The following SCAF1 variants were observed in gnomAD, a reference collection of about 807,000 sequenced individuals.
SCAF1 encodes the protein SR-related CTD associated factor 1, also known as splicing factor, arginine/serine-rich 19.
In SCAF1, 28 loss-of-function variants were observed where a neutral mutation model predicts 91.2. That is an observed-to-expected ratio of 0.31 (90% CI 0.23 to 0.42). The LOEUF is 0.42. Among genes scored for constraint, SCAF1 ranks in the 10% least tolerant of loss-of-function variants. SCAF1 has a pLI of 1.00. For synonymous variants in SCAF1, 1,036 were observed against 833.7 expected, an observed-to-expected ratio of 1.24 and a Z score of -4.18; for missense variants, 1,893 against 1,872.1, an observed-to-expected ratio of 1.01 and a Z score of -0.21.
rs980362635 is a variant in SCAF1, at chr19:49,654,663, C to T, written c.3411C>T (p.His1137=). Residue 1137 remains histidine (H), a synonymous_variant, in exon 9 of 11, where the codon CAC becomes CAT. Coordinates refer to ENST00000360565, the MANE Select transcript of SCAF1 (RefSeq NM_021228.3). The part of the protein sequence containing the change: ...LIQATNQILS[H]RKPPSSLGMT... The stretch of plus-strand genomic sequence containing the variant: ...TCCTCGTCCCACAGATCCTCAGCCA[C>T]AGAAAGCCACCCTCAAGTCTGGGGA... 2.5e-6 allele frequency: 4 copies of T among 1,612,624 alleles called. No individual in the cohort carries two copies. Among genetic ancestry groups the T allele is most frequent in the Admixed American group, 1.7e-5 (1 of 59,886 alleles).
chr19:49,645,496 C>A lies in SCAF1; in HGVS notation c.166+85C>A. 1 of 1,432,646 alleles carries A rather than the reference C, an allele frequency of 7.0e-7. No individual in the cohort carries two copies. Among genetic ancestry groups the A allele is most frequent in the Non-Finnish European group, 9.6e-7 (1 of 1,041,466 alleles). The allele number at this position is 1,432,646 out of a possible 1,614,324, so 88.7% of individuals were successfully genotyped here. ...GTCATTCATACAAGCTTTTCTGAAG[C>A]CTCCTGGGTGCCACCCTTGTGCTGG... On this transcript the variant is annotated intron_variant, in intron 3 of 10. Transcript: ENST00000360565. This position sits in a 1 kb window ranked among gnomAD's most constrained non-coding sequence, Gnocchi z 4.6.
Position 49,658,459 on chromosome 19 carries a change from C to T in SCAF1, c.*60C>T, listed in dbSNP as rs1018985011. 2 of 845,970 alleles carry T rather than the reference C, an allele frequency of 2.4e-6. No individual in the cohort carries two copies. Among genetic ancestry groups the T allele is most frequent in the African/African-American group, 1.7e-5 (1 of 58,454 alleles). The allele number at this position is 845,970 out of a possible 1,614,324, so 52.4% of individuals were successfully genotyped here. On this transcript the variant is annotated 3_prime_UTR_variant, in exon 11 of 11. Transcript: ENST00000360565. The stretch of plus-strand genomic sequence containing the variant: ...GAAACTCTGGACGTATTTATGGCTC[C>T]ACCTCCCCACCTCCCTCCCCCGTCA...
chr19:49,643,102 A>G (rs936574793), intron 1 of SCAF1, among the ~76,000 whole-genome samples: 1 of 152,234 alleles, frequency 6.6e-6, no homozygotes, highest in Non-Finnish European at 1.5e-5. Flanking sequence ...TGCCCAGCTT[A>G]GATATACTTG....
At chr19:49,640,684 C>G (rs561132181), upstream of SCAF1, among the ~76,000 whole-genome samples, 214 of 152,298 alleles carry the variant, frequency 1.4e-3, no homozygotes, top group African/African-American at 4.6e-3. Flanking sequence ...CGCTAAGGGA[C>G]CCAGGCTTCC....
chr19:49,653,703 C>A lies in SCAF1; in HGVS notation c.3314C>A (p.Ala1105Asp). The A allele has an allele frequency of 1.3e-6, 2 of 1,554,704 alleles. No individual in the cohort carries two copies. The highest frequency in any genetic ancestry group is 1.9e-5 in the Admixed American group (1 of 53,342). The change falls in exon 7 of 11, where the codon GCC (alanine) becomes GAC (aspartate). Residue 1105 changes from alanine to aspartate, a missense_variant and splice_region_variant. Ala to Asp is a moderately radical substitution (Grantham distance 126). Coordinates refer to ENST00000360565, the MANE Select transcript of SCAF1 (RefSeq NM_021228.3). ...GACTGCACCACCAGCGGCGTCCTGG[C>A]CTGTGAGTGTCCCCTGGGGGAGGGT... The part of the protein sequence containing the change: ...GVDCTTSGVL[A>D]LTALLFKMEE...
chr19:49,654,501 C>T (rs552981439), intron 8 of SCAF1, 70 bp downstream of exon 8: 32 of 1,489,514 alleles, frequency 2.1e-5, no homozygotes, highest in South Asian at 6.9e-5. Flanking sequence ...GGAGAGGAAC[C>T]GCGGGCCTGG....
chr19:49,656,291 C>A (rs1418870683), intron 9 of SCAF1, among the ~76,000 whole-genome samples: 1 of 152,198 alleles, frequency 6.6e-6, no homozygotes, highest in Non-Finnish European at 1.5e-5. Context: ...CCTGTGGGGC[C>A]AGGCAAGCCT....
chr19:49,650,995 A>G lies in SCAF1; in HGVS notation c.606A>G (p.Ser202=). 1.3e-6 allele frequency: 1 copy of G among 788,232 alleles called. No individual in the cohort carries two copies. The highest frequency in any genetic ancestry group is 1.7e-6 in the Non-Finnish European group (1 of 602,186). 48.8% of individuals were successfully genotyped at this position (788,232 alleles called of 1,614,324 possible). A position where few individuals can be genotyped will look rare whatever the true frequency, so the allele number is the denominator to read the frequency against. The change falls in exon 7 of 11, where the codon TCA becomes TCG. Residue 202 remains serine (S), a synonymous_variant. Transcript: ENST00000360565. ...SASSSPSPSP[S]SSSPSPPPPP... is the part of the protein sequence containing the mutation. ...CCTCCTCCCCTTCCCCTTCTCCCTCATCTTCCTCCCCTTCCCCTCCCCCAC... is the reference window on the plus strand; with the variant it reads ...CCTCCTCCCCTTCCCCTTCTCCCTCGTCTTCCTCCCCTTCCCCTCCCCCAC...
At position 49,645,071 on chromosome 19, in the gene SCAF1, G is replaced by C. The variant is rs114682662; in HGVS notation, c.45G>C (p.Gly15=). 3,565 of 1,614,154 alleles carry C rather than the reference G, an allele frequency of 2.2e-3. 64 individuals are homozygous for C. In the African/African-American group the frequency reaches 0.041, roughly 18 times the overall value. Reference sequence around the variant, plus strand: ...CTCGAGGGAAGACAGAGGAGTCGGGGGAGGATCGGGGCGATGGTCCGCCAG... The same window carrying C: ...CTCGAGGGAAGACAGAGGAGTCGGGCGAGGATCGGGGCGATGGTCCGCCAG... ...DESRGKTEES[G]EDRGDGPPDR... The change falls in exon 2 of 11, where the codon GGG becomes GGC. Residue 15 remains glycine, a synonymous_variant. Coordinates refer to ENST00000360565, the MANE Select transcript of SCAF1 (RefSeq NM_021228.3). This position sits in a 1 kb window ranked among gnomAD's most constrained non-coding sequence, Gnocchi z 4.6.
In SCAF1 at chr19:49,658,009, G is replaced by A. The variant is rs114062882; in HGVS notation, c.3747+120G>A. ...GGAGGAGGTCAGTCTGGGAGGTGAGGAGGGTGACAGGATTTTCTCAAGGCC... is the reference window on the plus strand; with the variant it reads ...GGAGGAGGTCAGTCTGGGAGGTGAGAAGGGTGACAGGATTTTCTCAAGGCC... On this transcript the variant is annotated intron_variant, in intron 10 of 10. Transcript: ENST00000360565. 164 of 1,388,064 alleles carry A rather than the reference G, an allele frequency of 1.2e-4. No individual in the cohort carries two copies. The African/African-American group carries it at 2.1e-3, about 18-fold the overall frequency. The allele number at this position is 1,388,064 out of a possible 1,614,324, so 86.0% of individuals were successfully genotyped here.
intron 9 of SCAF1, among the ~76,000 whole-genome samples, chr19:49,656,548 C>T (rs1465236738): frequency 6.6e-6 from 1 of 152,224 alleles, no homozygotes; most frequent in Non-Finnish European, 1.5e-5. Context: ...TCTCTGGTCC[C>T]ACGTGGCTCT....
intron 6 of SCAF1, among the ~76,000 whole-genome samples, chr19:49,647,502 CCTT>C (rs1357045231): frequency 6.6e-6 from 1 of 152,142 alleles, no homozygotes; most frequent in African/African-American, 2.4e-5. Flanking sequence ...TTTAGGCCTT[CCTT>C]CTACGTGAAC....
In SCAF1 at chr19:49,650,942, G is replaced by GCCCCCCCCCCCCC; in HGVS notation, c.557_558insCCCCCCCCCCCCC (p.Ala189ProfsTer45). On this transcript the variant is annotated frameshift_variant, in exon 7 of 11. Coordinates refer to ENST00000360565, the MANE Select transcript of SCAF1 (RefSeq NM_021228.3). LOFTEE classifies it high-confidence loss of function. ...CTTGGGCACGGGAGACGGGGGCCCTGCCCCACCCCCTGCCCCCTCCTCTGC... is the reference window on the plus strand; with the variant it reads ...CTTGGGCACGGGAGACGGGGGCCCTGCCCCCCCCCCCCCCCCCACCCCCTGCCCCCTCCTCTGC... 2 of 1,583,810 alleles carry GCCCCCCCCCCCCC rather than the reference G, an allele frequency of 1.3e-6. No individual in the cohort carries two copies. The highest frequency in any genetic ancestry group is 1.7e-6 in the Non-Finnish European group (2 of 1,161,406).
intron 6 of SCAF1, among the ~76,000 whole-genome samples, chr19:49,650,345 A>G (rs981461722): frequency 4.6e-5 from 7 of 152,156 alleles, no homozygotes; most frequent in Non-Finnish European, 5.9e-5. Flanking sequence ...GCAGCAGGCC[A>G]GAGCTTGTTT....
chr19:49,651,904 C>CGCCCCG lies in SCAF1; in HGVS notation c.1519_1524dup (p.Pro507_Ala508dup), dbSNP rs2081094588. On this transcript the variant is annotated inframe_insertion, in exon 7 of 11. Coordinates refer to ENST00000360565, the MANE Select transcript of SCAF1 (RefSeq NM_021228.3). Reference sequence around the variant, plus strand: ...GCTCGCCCTCCCCGGCGCCCGCGCCCGCCCCGGCCGCCGCTGCTGGTCCGC... The same window carrying CGCCCCG: ...GCTCGCCCTCCCCGGCGCCCGCGCCCGCCCCGGCCCCGGCCGCCGCTGCTGGTCCGC... The CGCCCCG allele has an allele frequency of 1.7e-6, 2 of 1,154,694 alleles. No individual in the cohort carries two copies. The highest frequency in any genetic ancestry group is 3.4e-5 in the African/African-American group (2 of 58,558). 71.5% of individuals were successfully genotyped at this position (1,154,694 alleles called of 1,614,324 possible).
chr19:49,653,269 G>C lies in SCAF1; in HGVS notation c.2880G>C (p.Glu960Asp), dbSNP rs369274087. Residue 960 changes from glutamate to aspartate, a missense_variant, in exon 7 of 11, where the codon GAG (glutamate) becomes GAC (aspartate). By Grantham distance (45) the Glu-to-Asp change is conservative. Transcript: ENST00000360565. ...AGGCGGCAGGCACCAAGGGGGCGGA[G>C]GAGACTTCCTGGTCCGGGGAGGAGC... ...CSQAAGTKGAEETSWSGEERA... is the reference protein window; with the variant it reads ...CSQAAGTKGADETSWSGEERA... 7 of 1,480,488 alleles carry C rather than the reference G, an allele frequency of 4.7e-6. No homozygotes were observed. In the African/African-American group the frequency reaches 9.8e-5, roughly 21 times the overall value. 91.7% of individuals were successfully genotyped at this position (1,480,488 alleles called of 1,614,324 possible). A position where few individuals can be genotyped will look rare whatever the true frequency, so the allele number is the denominator to read the frequency against.
chr19:49,641,977 A>G (rs2081028776), upstream of SCAF1: 1 of 152,132 alleles, frequency 6.6e-6, no homozygotes, highest in Admixed American at 6.5e-5. Context: ...CTCTCACCCC[A>G]TTAGCTGTCC....
chr19:49,656,822 G>A (rs2081142302), intron 9 of SCAF1, among the ~76,000 whole-genome samples: 1 of 152,176 alleles, frequency 6.6e-6, no homozygotes, highest in African/African-American at 2.4e-5. Flanking sequence ...GTGTGTCGCT[G>A]TAGTACTGCC....
Position 49,651,919 on chromosome 19 carries a change from T to G in SCAF1, c.1530T>G (p.Ala510=). ...CGCCCGCGCCCGCCCCGGCCGCCGC[T>G]GCTGGTCCGCCCACGCGCAAGAAGT... is the stretch of plus-strand genomic sequence containing the variant. The part of the protein sequence containing the change: ...SPAPAPAPAA[A]AGPPTRKKSR... The change falls in exon 7 of 11, where the codon GCT becomes GCG. Residue 510 remains alanine, a synonymous_variant. Transcript: ENST00000360565. 1 of 1,156,608 alleles carries G rather than the reference T, an allele frequency of 8.6e-7. No homozygotes were observed. Among genetic ancestry groups the G allele is most frequent in the Non-Finnish European group, 1.1e-6 (1 of 935,762 alleles). 71.6% of individuals were successfully genotyped at this position (1,156,608 alleles called of 1,614,324 possible).
Sources: gnomAD v4.1 joint callset for allele counts (sites outside exome capture counted in the v4.1 genomes callset) on GRCh38, gnomAD v4.1.1 for gene constraint, Gnocchi (gnomAD v3.1) non-coding constraint, MANE v1.5 for transcripts, NCBI Gene and HGNC (gene_info 2026-07-23, HGNC 2026-07-21) for gene names.